The following EGF variants were observed in gnomAD, a reference collection of about 807,000 sequenced individuals.
EGF encodes epidermal growth factor.
EGF carries 95 observed loss-of-function variants against 143.8 expected under a neutral mutation model. The observed-to-expected ratio is 0.66, with a 90% confidence interval of 0.56 to 0.78. The LOEUF is 0.78. Among genes scored for constraint, EGF ranks in the 30% least tolerant of loss-of-function variants. The probability of loss-of-function intolerance (pLI) is 0.00; values close to 1 mark genes in which losing one functional copy is unlikely to be tolerated. For missense variants in EGF, 1,320 were observed against 1,470.9 expected, an observed-to-expected ratio of 0.90 and a Z score of 1.68; for synonymous variants, 510 against 510.5, an observed-to-expected ratio of 1.00 and a Z score of 0.01.
intron 1 of EGF, among the ~76,000 whole-genome samples, chr4:109,918,133 A>G (rs1286588587): frequency 1.3e-5 from 2 of 152,224 alleles, no homozygotes; most frequent in African/African-American, 4.8e-5. Flanking sequence ...CATCTTACAT[A>G]GCCTCTATGT....
At position 109,958,581 on chromosome 4, in the gene EGF, G is replaced by T. The variant is rs140327504; in HGVS notation, c.941-731G>T. On this transcript the variant is annotated intron_variant, in intron 5 of 23. Transcript: ENST00000265171. ...GTCTGAAAGATGTTCATTAAATAAT[G>T]ATGTTAAAAACAGCTAAATAGCTTA... is the stretch of plus-strand genomic sequence containing the variant. Among the ~76,000 whole-genome samples the T allele has an allele frequency of 2.0e-5, 3 of 152,214 alleles. No individual in the cohort carries two copies. The East Asian group carries it at 5.8e-4, about 29-fold the overall frequency.
intron 1 of EGF, among the ~76,000 whole-genome samples, chr4:109,926,350 C>CTT (rs60679717): frequency 1.4e-4 from 18 of 124,482 alleles, no homozygotes; most frequent in Admixed American, 2.5e-4. Flanking sequence ...GAGACACTGT[C>CTT]TTTTTTTTTT....
chr4:109,926,426 C>T (rs1200678607), intron 1 of EGF, among the ~76,000 whole-genome samples: 6 of 149,538 alleles, frequency 4.0e-5, no homozygotes, highest in Admixed American at 2.0e-4. Flanking sequence ...GCGATCTCGT[C>T]TCACTGCAAG....
intron 8 of EGF, among the ~76,000 whole-genome samples, chr4:109,962,512 ATG>A (rs1745871802): frequency 6.6e-6 from 1 of 152,196 alleles, no homozygotes; most frequent in Admixed American, 6.5e-5. Flanking sequence ...GCAGCTAAAA[ATG>A]TGTGAGAGAA....
At chr4:109,956,904 T>C (rs1334059606) in intron 5 of EGF, among the ~76,000 whole-genome samples, 1 of 152,202 alleles carries the variant, frequency 6.6e-6, no homozygotes, top group African/African-American at 2.4e-5. Context: ...GATGAAGGTG[T>C]AACGTTTCAC....
At chr4:110,004,816 A>T (rs1200680637) in intron 22 of EGF, among the ~76,000 whole-genome samples, 194 bp downstream of exon 22, 3 of 152,100 alleles carry the variant, frequency 2.0e-5, no homozygotes, top group Non-Finnish European at 4.4e-5. Flanking sequence ...TAACTAAAGG[A>T]ATCAGATGAG....
At position 109,979,919 on chromosome 4, in the gene EGF, T is replaced by C. The variant is rs974227065; in HGVS notation, c.2054-53T>C. On this transcript the variant is annotated intron_variant, in intron 13 of 23. Transcript: ENST00000265171. The stretch of plus-strand genomic sequence containing the variant: ...ATTTCAAGCCTTGTCCTTTCGTAAA[T>C]AGTCATTGCAAAGACAAAGAAGGTG... 11 of 1,599,646 alleles carry C rather than the reference T, an allele frequency of 6.9e-6. No homozygotes were observed. The African/African-American group carries it at 1.5e-4, about 21-fold the overall frequency.
At chr4:109,935,883 C>T (rs965739245) in intron 1 of EGF, among the ~76,000 whole-genome samples, 1 of 152,140 alleles carries the variant, frequency 6.6e-6, no homozygotes, top group Non-Finnish European at 1.5e-5. Flanking sequence ...TCTTGCATCC[C>T]AGGGGTGAAG....
At chr4:109,924,612 C>T (rs1196742789) in intron 1 of EGF, among the ~76,000 whole-genome samples, 1 of 152,126 alleles carries the variant, frequency 6.6e-6, no homozygotes, top group Non-Finnish European at 1.5e-5. Context: ...CTTACAGATC[C>T]TCTTATTTGG....
intron 5 of EGF, among the ~76,000 whole-genome samples, chr4:109,953,880 T>C (rs947991990): frequency 1.3e-5 from 2 of 152,196 alleles, no homozygotes; most frequent in African/African-American, 4.8e-5. Context: ...CATATACACC[T>C]TGTCTTTTTA....
intron 9 of EGF, 46 bp downstream of exon 9, chr4:109,963,344 A>C (rs1553936443): frequency 1.2e-6 from 2 of 1,613,210 alleles, no homozygotes; most frequent in Non-Finnish European, 1.7e-6. Flanking sequence ...AAAAAAATTC[A>C]TGAAAATCTT....
intron 22 of EGF, among the ~76,000 whole-genome samples, 193 bp downstream of exon 22, chr4:110,004,815 G>A (rs1258599694): frequency 6.6e-6 from 1 of 151,972 alleles, no homozygotes; most frequent in Non-Finnish European, 1.5e-5. Context: ...TTAACTAAAG[G>A]AATCAGATGA....
intron 18 of EGF, among the ~76,000 whole-genome samples, chr4:109,991,864 T>G (rs1750979756): frequency 6.6e-6 from 1 of 151,960 alleles, no homozygotes; most frequent in South Asian, 2.1e-4. Flanking sequence ...TTAGAACACC[T>G]GCATGGGGCT....
At chr4:109,942,303 A>G (rs942401071) in intron 2 of EGF, among the ~76,000 whole-genome samples, 2 of 152,238 alleles carry the variant, frequency 1.3e-5, no homozygotes, top group African/African-American at 4.8e-5. Flanking sequence ...ATAAAGGACA[A>G]CTGTTAAAAT....
chr4:109,972,499 C>T (rs1747819193), intron 11 of EGF, among the ~76,000 whole-genome samples: 1 of 152,134 alleles, frequency 6.6e-6, no homozygotes, highest in South Asian at 2.1e-4. Flanking sequence ...CCCCTGGTCA[C>T]AAGCAAGTGG....
rs776728511 is a variant in EGF, at chr4:109,945,192, A to G, written c.857A>G (p.His286Arg). ...AAGGACATGGTTAGAATTAACCTCC[A>G]TTCATCATTTGTACCACTTGGTGAA... ...TGKDMVRINL[H>R]SSFVPLGELK... is the part of the protein sequence containing the mutation. Residue 286 changes from histidine (H) to arginine (R), a missense_variant, in exon 5 of 24, where the codon CAT (histidine) becomes CGT (arginine). His to Arg is a conservative substitution (Grantham distance 29). This residue lies in a region of EGF where 1,186 missense variants were observed against 1,313.7 expected (regional missense o/e 0.90). Transcript: ENST00000265171. 2 of 1,614,110 alleles carry G rather than the reference A, an allele frequency of 1.2e-6. No individual in the cohort carries two copies. The highest frequency in any genetic ancestry group is 1.7e-6 in the Non-Finnish European group (2 of 1,179,994).
chr4:109,951,913 C>G (rs1743994073), intron 5 of EGF, among the ~76,000 whole-genome samples: 1 of 152,190 alleles, frequency 6.6e-6, no homozygotes. Flanking sequence ...TTGCACAGAT[C>G]ATGGAGTCAA....
Position 109,968,974 on chromosome 4 carries a change from T to C in EGF, c.1579T>C (p.Tyr527His). ...ATGCCTGTGTTCTCTTTTGTAGATA[T>C]ACTTTGCCCATACAGCCCTGAAGTG... Reference protein sequence around the residue: ...LDHDPVENKIYFAHTALKWIE... With the variant: ...LDHDPVENKIHFAHTALKWIE... The change falls in exon 11 of 24, where the codon TAC becomes CAC. Residue 527 changes from tyrosine to histidine, a missense_variant. Coordinates refer to ENST00000265171, the MANE Select transcript of EGF (RefSeq NM_001963.6). 4 of 1,614,102 alleles carry C rather than the reference T, an allele frequency of 2.5e-6. No individual in the cohort carries two copies. The highest frequency in any genetic ancestry group is 3.4e-6 in the Non-Finnish European group (4 of 1,179,990).
At chr4:109,993,707 G>A (rs1043825184) in intron 19 of EGF, among the ~76,000 whole-genome samples, 1 of 152,178 alleles carries the variant, frequency 6.6e-6, no homozygotes, top group African/African-American at 2.4e-5. Flanking sequence ...AGGTCGGTGA[G>A]AATGTCTGGA....
Sources: gnomAD v4.1 joint callset for allele counts (sites outside exome capture counted in the v4.1 genomes callset) on GRCh38, gnomAD v4.1.1 for gene constraint, gnomAD v4.1.1 regional missense constraint, MANE v1.5 for transcripts, NCBI Gene and HGNC (gene_info 2026-07-23, HGNC 2026-07-21) for gene names.